Variants in OPRK1 observed in about 807,000 individuals in gnomAD.
The protein encoded by OPRK1 is opioid receptor kappa 1, also known as kappa-type opioid receptor.
Under a neutral mutation model 24.5 loss-of-function variants are expected in OPRK1, and 15 were observed. The ratio of observed to expected loss-of-function variants is 0.61; its 90% CI spans 0.41 to 0.94. OPRK1 has a LOEUF of 0.94. OPRK1 is among the 40% of genes least tolerant of loss of function. The pLI, the probability that OPRK1 is intolerant of heterozygous loss-of-function variation, is 0.00. For missense variants in OPRK1, 479 were observed against 507.3 expected (o/e 0.94, Z 0.54); for synonymous variants, 205 against 198.0 (o/e 1.04, Z -0.30).
chr8:53,245,024 A>G (rs1355817760), intron 2 of OPRK1, among the ~76,000 whole-genome samples: 1 of 152,236 alleles, frequency 6.6e-6, no homozygotes, highest in East Asian at 1.9e-4. Flanking sequence ...ATTACTTATA[A>G]TACCTACTAC....
chr8:53,227,582 A>C lies in OPRK1; in HGVS notation c.*1715T>G, dbSNP rs985343277. The C allele has an allele frequency of 6.6e-6, 1 of 152,226 alleles. No homozygotes were observed. The highest frequency in any genetic ancestry group is 1.5e-5 in the Non-Finnish European group (1 of 68,044). 9.4% of individuals were successfully genotyped at this position (152,226 alleles called of 1,614,324 possible). The stretch of plus-strand genomic sequence containing the variant: ...GGGCAGATAGGAATCTCAATAAAAC[A>C]AGAAATACTCAAAAGAGCACTTCAT... On this transcript the variant is annotated 3_prime_UTR_variant, in exon 4 of 4. Transcript: ENST00000265572.
At chr8:53,230,361 T>C (rs773311587) in intron 3 of OPRK1, among the ~76,000 whole-genome samples, 2 of 152,154 alleles carry the variant, frequency 1.3e-5, no homozygotes, top group Non-Finnish European at 2.9e-5. Flanking sequence ...AAAATTGATA[T>C]GGAATTTGTT....
intron 2 of OPRK1, among the ~76,000 whole-genome samples, chr8:53,246,904 C>A (rs904895364): frequency 6.6e-6 from 1 of 152,166 alleles, no homozygotes; most frequent in Non-Finnish European, 1.5e-5. Context: ...AAGGAATTGG[C>A]TCTTTCTGGA....
rs751731564 is a variant in OPRK1, at chr8:53,229,415, C to T, written c.1025G>A (p.Arg342Gln). 8 of 1,614,054 alleles carry T rather than the reference C, an allele frequency of 5.0e-6. No individual in the cohort carries two copies. The highest frequency in any genetic ancestry group is 2.2e-5 in the East Asian group (1 of 44,892). ...CATCTTCAGTGGAAAGCAGAAGTCC[C>T]GGAAACACCGCTTGAAGTTTTCATC... ...FLDENFKRCF[R>Q]DFCFPLKMRM... Residue 342 changes from arginine (R) to glutamine (Q), a missense_variant, in exon 4 of 4, where the codon CGG becomes CAG. Coordinates refer to ENST00000265572, the MANE Select transcript of OPRK1 (RefSeq NM_000912.5).
At chr8:53,246,882 G>A (rs1044774037) in intron 2 of OPRK1, among the ~76,000 whole-genome samples, 2 of 152,202 alleles carry the variant, frequency 1.3e-5, no homozygotes, top group African/African-American at 2.4e-5. Context: ...TTTTTAAAAT[G>A]GGAAATGAAA....
At chr8:53,247,387 A>C (rs1807257186) in intron 2 of OPRK1, among the ~76,000 whole-genome samples, 1 of 152,188 alleles carries the variant, frequency 6.6e-6, no homozygotes, top group Non-Finnish European at 1.5e-5. Flanking sequence ...TAGTTTCCTC[A>C]TCTGTTAAGT....
chr8:53,234,193 A>AAAAAAAAAAAAAAAAAAAAAG (rs1806929589), intron 3 of OPRK1, among the ~76,000 whole-genome samples: 1 of 150,942 alleles, frequency 6.6e-6, no homozygotes, highest in African/African-American at 2.4e-5. Context: ...AAAAAAAAAA[A>AAAAAAAAAAAAAAAAAAAAAG]AAAAAAAAAA....
chr8:53,227,273 A>G lies in OPRK1; in HGVS notation c.*2024T>C, dbSNP rs1223834914. 6.8e-6 allele frequency: 1 copy of G among 147,500 alleles called. No homozygotes were observed. The highest frequency in any genetic ancestry group is 1.5e-5 in the Non-Finnish European group (1 of 67,752). 9.1% of individuals were successfully genotyped at this position (147,500 alleles called of 1,614,324 possible). A position where few individuals can be genotyped will look rare whatever the true frequency, so the allele number is the denominator to read the frequency against. On this transcript the variant is annotated 3_prime_UTR_variant, in exon 4 of 4. Transcript: ENST00000265572. ...ACTCCGTCTCAAAAAAAAAAAAAAA[A>G]AAAAAGAAGACAGAAAAAATTAAAG... is the stretch of plus-strand genomic sequence containing the variant.
At position 53,231,478 on chromosome 8, in the gene OPRK1, G is replaced by A. The variant is rs114515403; in HGVS notation, c.611-1649C>T. Reference sequence around the variant, plus strand: ...TCAGCTTATATGTCACTTCAGAGACGTTTAGATGGAGGTCTGTCTCTTAAA... The same window carrying A: ...TCAGCTTATATGTCACTTCAGAGACATTTAGATGGAGGTCTGTCTCTTAAA... On this transcript the variant is annotated intron_variant, in intron 3 of 3. Transcript: ENST00000265572. 4.9e-3 allele frequency among the ~76,000 whole-genome samples: 749 copies of A among 152,268 alleles called. 7 individuals are homozygous for A. Among genetic ancestry groups the A allele is most frequent in the African/African-American group, 0.017 (727 of 41,554 alleles).
rs1806691090 is a variant in OPRK1, at chr8:53,226,536, G to C, written c.*2761C>G. On this transcript the variant is annotated 3_prime_UTR_variant, in exon 4 of 4. Coordinates refer to ENST00000265572, the MANE Select transcript of OPRK1 (RefSeq NM_000912.5). The stretch of plus-strand genomic sequence containing the variant: ...CAACAGACAGTGTCCTCCTTGTTGA[G>C]GTCAGAGAATAGGAACATCAAGAAA... The C allele has an allele frequency of 9.1e-6, 1 of 110,012 alleles. No homozygotes were observed. Among genetic ancestry groups the C allele is most frequent in the Non-Finnish European group, 1.8e-5 (1 of 56,904 alleles). 6.8% of individuals were successfully genotyped at this position (110,012 alleles called of 1,614,324 possible). A position where few individuals can be genotyped will look rare whatever the true frequency, so the allele number is the denominator to read the frequency against.
intron 2 of OPRK1, among the ~76,000 whole-genome samples, chr8:53,247,402 A>G (rs1807257421): frequency 6.6e-6 from 1 of 152,224 alleles, no homozygotes; most frequent in South Asian, 2.1e-4. Flanking sequence ...TTAAGTGGGT[A>G]TGGTAATGAT....
chr8:53,242,072 G>T (rs1807127829), intron 2 of OPRK1, among the ~76,000 whole-genome samples: 1 of 152,172 alleles, frequency 6.6e-6, no homozygotes, highest in Admixed American at 6.5e-5. Flanking sequence ...ACTTTCCTAG[G>T]GCACAACTAC....
rs1476801274 is a variant in OPRK1 at position 53,250,897 on chromosome 8, C to T, written c.141G>A (p.Ala47=). The T allele has an allele frequency of 6.2e-7, 1 of 1,611,844 alleles. No homozygotes were observed. Among genetic ancestry groups the T allele is most frequent in the Non-Finnish European group, 8.5e-7 (1 of 1,179,388 alleles). The change falls in exon 2 of 4, where the codon GCG becomes GCA. Residue 47 remains alanine (A), a synonymous_variant. Coordinates refer to ENST00000265572, the MANE Select transcript of OPRK1 (RefSeq NM_000912.5). ...GGGAGATGTGCGCGGGCTCCAGCTG[C>T]GCGTCCTCCGAGCCGGCGCTGCCGT... is the stretch of plus-strand genomic sequence containing the variant. ...DSNGSAGSED[A]QLEPAHISPA... is the part of the protein sequence containing the mutation.
Position 53,250,915 on chromosome 8 carries a change from G to A in OPRK1, c.123C>T (p.Ser41=). 6.2e-7 allele frequency: 1 copy of A among 1,611,636 alleles called. No individual in the cohort carries two copies. Among genetic ancestry groups the A allele is most frequent in the Non-Finnish European group, 8.5e-7 (1 of 1,179,286 alleles). ...PGWAEPDSNG[S]AGSEDAQLEP... ...CCAGCTGCGCGTCCTCCGAGCCGGC[G>A]CTGCCGTTGCTGTCGGGCTCGGCCC... Residue 41 remains serine (S), a synonymous_variant, in exon 2 of 4, where the codon AGC becomes AGT. Transcript: ENST00000265572.
At chr8:53,230,357 G>A (rs1310732407) in intron 3 of OPRK1, among the ~76,000 whole-genome samples, 1 of 152,110 alleles carries the variant, frequency 6.6e-6, no homozygotes, top group Admixed American at 6.5e-5. Flanking sequence ...AACAAAAATT[G>A]ATATGGAATT....
At chr8:53,241,775 G>A (rs112682755) in intron 2 of OPRK1, among the ~76,000 whole-genome samples, 5,209 of 152,256 alleles carry the variant, frequency 0.034, 270 homozygotes, top group African/African-American at 0.12. Flanking sequence ...AGGCACCCAC[G>A]TGCGATCAGG....
At position 53,229,468 on chromosome 8, in the gene OPRK1, G is replaced by A. The variant is rs1806797925; in HGVS notation, c.972C>T (p.Ser324=). 2 of 1,614,184 alleles carry A rather than the reference G, an allele frequency of 1.2e-6. No homozygotes were observed. The highest frequency in any genetic ancestry group is 1.7e-6 in the Non-Finnish European group (2 of 1,180,028). Residue 324 remains serine (S), a synonymous_variant, in exon 4 of 4, where the codon AGC becomes AGT. Coordinates refer to ENST00000265572, the MANE Select transcript of OPRK1 (RefSeq NM_000912.5). ...FCIALGYTNS[S]LNPILYAFLD... ...GAAAGGCGTAGAGAATGGGATTCAG[G>A]CTACTGTTGGTATAGCCTAAGGCGA...
rs1376672281 is a variant in OPRK1 at position 53,228,076 on chromosome 8, G to A, written c.*1221C>T. The A allele has an allele frequency of 6.6e-6, 1 of 152,156 alleles. No individual in the cohort carries two copies. The allele number at this position is 152,156 out of a possible 1,614,324, so 9.4% of individuals were successfully genotyped here. A position where few individuals can be genotyped will look rare whatever the true frequency, so the allele number is the denominator to read the frequency against. On this transcript the variant is annotated 3_prime_UTR_variant, in exon 4 of 4. Transcript: ENST00000265572. The stretch of plus-strand genomic sequence containing the variant: ...TCAGCAGGTATGCCCTTCACAGAAT[G>A]CCATGCAGGATGTGTCCTGGCACCA...
rs1807384765 is a variant in OPRK1 at position 53,251,130 on chromosome 8, G to T, written c.-48-45C>A. 2.8e-6 allele frequency: 4 copies of T among 1,407,190 alleles called. No individual in the cohort carries two copies. The African/African-American group carries it at 4.5e-5, about 16-fold the overall frequency. 87.2% of individuals were successfully genotyped at this position (1,407,190 alleles called of 1,614,324 possible). ...GGCTGGACGCGGAGAGGCAAACTTT[G>T]CCCGCGCCCTGGCCAGCGGCGCTGG... On this transcript the variant is annotated intron_variant, in intron 1 of 3. Coordinates refer to ENST00000265572, the MANE Select transcript of OPRK1 (RefSeq NM_000912.5).
Sources: gnomAD v4.1 joint callset for allele counts (sites outside exome capture counted in the v4.1 genomes callset) on GRCh38, gnomAD v4.1.1 for gene constraint, MANE v1.5 for transcripts, NCBI Gene and HGNC (gene_info 2026-07-23, HGNC 2026-07-21) for gene names.